ANO3: variants seen among roughly 807,000 people sequenced by gnomAD.
ANO3 encodes anoctamin-3.
In ANO3, 99 loss-of-function variants were observed where a neutral mutation model predicts 144.8. The ratio of observed to expected loss-of-function variants is 0.68; its 90% CI spans 0.58 to 0.81. ANO3 has a LOEUF of 0.81. Ranked by LOEUF, ANO3 falls within the 30% of genes least tolerant of loss-of-function variation. ANO3 has a pLI of 0.00. For missense variants in ANO3, 905 were observed against 1,202.2 expected (o/e 0.75, Z 3.66); for synonymous variants, 414 against 392.6 (o/e 1.05, Z -0.64).
chr11:26,549,763 G>A (rs528735470), intron 12 of ANO3, among the ~76,000 whole-genome samples: 12 of 151,870 alleles, frequency 7.9e-5, no homozygotes, highest in Admixed American at 5.9e-4. Flanking sequence ...AGGCAGACAC[G>A]TGTGGCCTGG....
intron 1 of ANO3, among the ~76,000 whole-genome samples, chr11:26,267,725 T>A (rs1049760200): frequency 6.6e-6 from 1 of 152,166 alleles, no homozygotes; most frequent in East Asian, 1.9e-4. Flanking sequence ...AATTTGCCAA[T>A]TTTCTTGCCT....
At chr11:26,533,528 A>C (rs536760258) in intron 8 of ANO3, among the ~76,000 whole-genome samples, 25 of 152,218 alleles carry the variant, frequency 1.6e-4, no homozygotes, top group African/African-American at 6.0e-4. Context: ...CCTTGGAGGA[A>C]AATAAGAAAT....
At chr11:26,221,950 C>T (rs1047228584) in intron 1 of ANO3, among the ~76,000 whole-genome samples, 2 of 152,196 alleles carry the variant, frequency 1.3e-5, no homozygotes, top group Non-Finnish European at 2.9e-5. Flanking sequence ...GGAGGGAACA[C>T]ACATCTAAAC....
chr11:26,309,583 C>T, upstream of ANO3: 5 of 805,820 alleles, frequency 6.2e-6, no homozygotes, highest in Non-Finnish European at 6.0e-6. Context: ...ATTTTCTACT[C>T]TCTTTCTGGT....
chr11:26,577,696 T>C (rs991496971), intron 14 of ANO3, among the ~76,000 whole-genome samples: 2 of 152,226 alleles, frequency 1.3e-5, no homozygotes, highest in African/African-American at 4.8e-5. Flanking sequence ...TTTCCAGCTA[T>C]GTTAATGTGC....
rs185328747 is a variant in ANO3, at chr11:26,294,199, C to G, written c.155-15446C>G. On this transcript the variant is annotated intron_variant, in intron 1 of 27. Coordinates refer to the ANO3 transcript ENST00000672621. ...TCTTGAGGGTCAGAAACTGACCTAT[C>G]CTGAAAATATGATGATTGCCTCAAG... 3.3e-5 allele frequency among the ~76,000 whole-genome samples: 5 copies of G among 152,204 alleles called. No homozygotes were observed. In the East Asian group the frequency reaches 7.7e-4, roughly 24 times the overall value.
At chr11:26,432,653 T>C (rs1209923122) in intron 1 of ANO3, among the ~76,000 whole-genome samples, 1 of 152,220 alleles carries the variant, frequency 6.6e-6, no homozygotes, top group African/African-American at 2.4e-5. Context: ...ATTTATTGAA[T>C]AGGGAGTCAT....
At chr11:26,268,720 G>A (rs1853370314) in intron 1 of ANO3, among the ~76,000 whole-genome samples, 1 of 152,146 alleles carries the variant, frequency 6.6e-6, no homozygotes, top group African/African-American at 2.4e-5. Flanking sequence ...TTCTAGATCA[G>A]TGCGACCACA....
chr11:26,371,283 T>C (rs549728510), intron 1 of ANO3, among the ~76,000 whole-genome samples: 1 of 152,354 alleles, frequency 6.6e-6, no homozygotes, highest in Admixed American at 6.5e-5. Flanking sequence ...ATGGGGTTGG[T>C]CCAGTGGGTG....
In ANO3 at chr11:26,598,362, T is replaced by C. The variant is rs1851699089; in HGVS notation, c.1448-3T>C. The C allele has an allele frequency of 6.6e-7, 1 of 1,504,086 alleles. No individual in the cohort carries two copies. Among genetic ancestry groups the C allele is most frequent in the East Asian group, 2.5e-5 (1 of 40,178 alleles). The allele number at this position is 1,504,086 out of a possible 1,614,324, so 93.2% of individuals were successfully genotyped here. ...AAAGAATTATCATTTTTATATTTTA[T>C]AGCCACAGTCTTCCTGGAGTTTTGG... On this transcript the variant is annotated splice_region_variant and splice_polypyrimidine_tract_variant and intron_variant, in intron 14 of 26. Transcript: ENST00000256737.
At chr11:26,367,127 A>C (rs1903454) in intron 1 of ANO3, among the ~76,000 whole-genome samples, 16 of 152,318 alleles carry the variant, frequency 1.1e-4, no homozygotes, top group African/African-American at 3.4e-4. Context: ...TAAAGACTTA[A>C]ATGTTAGACC....
chr11:26,477,946 A>C (rs1276026264), intron 4 of ANO3, among the ~76,000 whole-genome samples: 1 of 152,200 alleles, frequency 6.6e-6, no homozygotes, highest in Admixed American at 6.5e-5. Flanking sequence ...AGCAAAGAAT[A>C]ATTTGGCAAA....
chr11:26,443,772 T>C lies in ANO3; in HGVS notation c.249T>C (p.Thr83=), dbSNP rs911396340. ...ISTDKAEQVN[T]EENKNDSVLR... ...TATCTTATTTTATTTCAGTTAATACTGAGGAGAATAAAAACGACTCTGTGC... is the reference window on the plus strand; with the variant it reads ...TATCTTATTTTATTTCAGTTAATACCGAGGAGAATAAAAACGACTCTGTGC... Residue 83 remains threonine (T), a synonymous_variant, in exon 3 of 27, where the codon ACT becomes ACC. Coordinates refer to ENST00000256737, the MANE Select transcript of ANO3 (RefSeq NM_031418.4). 1.3e-6 allele frequency: 2 copies of C among 1,591,876 alleles called. No individual in the cohort carries two copies. The highest frequency in any genetic ancestry group is 1.3e-5 in the African/African-American group (1 of 74,088).
chr11:26,614,928 T>C (rs1852206727), intron 17 of ANO3, among the ~76,000 whole-genome samples: 1 of 152,108 alleles, frequency 6.6e-6, no homozygotes, highest in African/African-American at 2.4e-5. Context: ...TGGTTCCTTT[T>C]TGTTGGGGAG....
At position 26,660,637 on chromosome 11, in the gene ANO3, G is replaced by A. The variant is rs1009191285; in HGVS notation, c.*193G>A. 12 of 537,580 alleles carry A rather than the reference G, an allele frequency of 2.2e-5. No homozygotes were observed. The South Asian group carries it at 2.7e-4, about 12-fold the overall frequency. 33.3% of individuals were successfully genotyped at this position (537,580 alleles called of 1,614,324 possible). On this transcript the variant is annotated 3_prime_UTR_variant, in exon 27 of 27. Transcript: ENST00000256737. ...GTAGGGAAGAAAACAATGACTTGAC[G>A]ACCTTAAAAAGGGTTAGATTGACAT...
intron 1 of ANO3, among the ~76,000 whole-genome samples, chr11:26,201,173 G>C (rs1321799576): frequency 6.6e-6 from 1 of 152,068 alleles, no homozygotes; most frequent in Non-Finnish European, 1.5e-5. Context: ...CATCTTTTCA[G>C]TATTCACCAA....
chr11:26,222,396 G>A (rs886743852), intron 1 of ANO3, among the ~76,000 whole-genome samples: 8 of 152,280 alleles, frequency 5.3e-5, no homozygotes, highest in South Asian at 2.1e-4. Context: ...TTGGAGTTGC[G>A]TGCCTGCAGC....
chr11:26,321,637 G>T (rs1204399694), intron 1 of ANO3, among the ~76,000 whole-genome samples: 1 of 151,812 alleles, frequency 6.6e-6, no homozygotes, highest in East Asian at 1.9e-4. Flanking sequence ...TGTCTCATCT[G>T]GCCATGTGAT....
intron 6 of ANO3, among the ~76,000 whole-genome samples, chr11:26,518,345 G>A (rs1054674165): frequency 6.6e-6 from 1 of 151,806 alleles, no homozygotes; most frequent in African/African-American, 2.4e-5. Flanking sequence ...TTTATTCTCT[G>A]GTCTGTGCAT....
Sources: gnomAD v4.1 joint callset for allele counts (sites outside exome capture counted in the v4.1 genomes callset) on GRCh38, gnomAD v4.1.1 for gene constraint, MANE v1.5 for transcripts, NCBI Gene and HGNC (gene_info 2026-07-23, HGNC 2026-07-21) for gene names.